EDIL3: variants seen among roughly 807,000 people sequenced by gnomAD.
The protein encoded by EDIL3 is EGF-like repeat and discoidin I-like domain-containing protein 3.
A neutral mutation model predicts 67.4 loss-of-function variants in EDIL3; 37 were observed. The ratio of observed to expected loss-of-function variants is 0.55; its 90% confidence interval spans 0.42 to 0.72. EDIL3 has a LOEUF of 0.72. Ranked by LOEUF, EDIL3 falls within the 30% of genes least tolerant of loss-of-function variation. EDIL3 has a pLI of 0.00. For missense variants in EDIL3, 527 were observed against 586.3 expected (o/e 0.90, Z 1.04); for synonymous variants, 195 against 196.3 (o/e 0.99, Z 0.05).
At chr5:84,378,364 A>T (rs1218597127) in intron 1 of EDIL3, among the ~76,000 whole-genome samples, 1 of 152,160 alleles carries the variant, frequency 6.6e-6, no homozygotes, top group East Asian at 1.9e-4. Context: ...ATGGTGATAC[A>T]CTTACCACTC....
chr5:84,180,571 G>A (rs369958351), intron 3 of EDIL3, 50 bp from the exon 4 acceptor site: 3 of 1,501,766 alleles, frequency 2.0e-6, no homozygotes, highest in Admixed American at 2.4e-5. Flanking sequence ...CTTAAAAGTA[G>A]ACATTAGGTC....
At chr5:84,303,517 T>G (rs1746200682) in intron 1 of EDIL3, among the ~76,000 whole-genome samples, 1 of 152,220 alleles carries the variant, frequency 6.6e-6, no homozygotes, top group South Asian at 2.1e-4. Flanking sequence ...ATTCATGGAT[T>G]AGTCATTTAC....
chr5:84,343,033 C>G (rs1461410266), intron 1 of EDIL3, among the ~76,000 whole-genome samples: 1 of 151,932 alleles, frequency 6.6e-6, no homozygotes, highest in Non-Finnish European at 1.5e-5. Context: ...TTTGATAGTA[C>G]TTTTTAGCAA....
At chr5:84,310,478 G>GA (rs1746363646) in intron 1 of EDIL3, among the ~76,000 whole-genome samples, 2 of 151,830 alleles carry the variant, frequency 1.3e-5, no homozygotes, top group African/African-American at 2.4e-5. Context: ...ATAATTCACA[G>GA]AAAAAAATAG....
intron 10 of EDIL3, among the ~76,000 whole-genome samples, chr5:83,958,455 G>T (rs1404612103): frequency 6.6e-6 from 1 of 151,438 alleles, no homozygotes; most frequent in Non-Finnish European, 1.5e-5. Context: ...ATTGGAAACA[G>T]GGGATTTTGT....
chr5:84,209,288 A>G (rs962425373), intron 3 of EDIL3, among the ~76,000 whole-genome samples: 6 of 152,124 alleles, frequency 3.9e-5, no homozygotes, highest in Admixed American at 1.3e-4. Context: ...TGACGAGTTA[A>G]TGGGTGCAGC....
intron 3 of EDIL3, among the ~76,000 whole-genome samples, chr5:84,222,944 T>C (rs1744371050): frequency 6.6e-6 from 1 of 151,844 alleles, no homozygotes; most frequent in Non-Finnish European, 1.5e-5. Flanking sequence ...TTTCATTTTC[T>C]TGATTGTTTC....
At chr5:84,347,354 A>G (rs951347650) in intron 1 of EDIL3, among the ~76,000 whole-genome samples, 10 of 152,226 alleles carry the variant, frequency 6.6e-5, no homozygotes, top group East Asian at 1.9e-4. Flanking sequence ...CTGAATATGT[A>G]TAAGTGGAAA....
At position 84,051,202 on chromosome 5, in the gene EDIL3, G is replaced by A. The variant is rs190140315; in HGVS notation, c.1137+9098C>T. 2.2e-3 allele frequency among the ~76,000 whole-genome samples: 336 copies of A among 152,314 alleles called. 2 individuals carry two copies. The highest frequency in any genetic ancestry group is 7.4e-3 in the African/African-American group (308 of 41,580). On this transcript the variant is annotated intron_variant, in intron 9 of 10. Coordinates refer to ENST00000296591, the MANE Select transcript of EDIL3 (RefSeq NM_005711.5). ...TCCGCTGCTGATACCCAGGCAAACA[G>A]GGTCTGGAGCAGACCTCCAGCAAAC...
chr5:84,051,123 G>A (rs1746328620), intron 9 of EDIL3, among the ~76,000 whole-genome samples: 1 of 152,162 alleles, frequency 6.6e-6, no homozygotes, highest in African/African-American at 2.4e-5. Flanking sequence ...AACCTCCAGA[G>A]GAACGATCAG....
At chr5:84,383,633 A>T (rs563481896) in intron 1 of EDIL3, among the ~76,000 whole-genome samples, 60 of 152,214 alleles carry the variant, frequency 3.9e-4, no homozygotes, top group Non-Finnish European at 1.8e-4. Context: ...GGGGGTGCGC[A>T]GCTAAGCTCC....
chr5:84,343,564 A>G (rs1747169235), intron 1 of EDIL3, among the ~76,000 whole-genome samples: 1 of 152,130 alleles, frequency 6.6e-6, no homozygotes. Context: ...GAAAACTGAG[A>G]ATTAATGAGT....
At chr5:84,306,402 T>C (rs531111073) in intron 1 of EDIL3, among the ~76,000 whole-genome samples, 33 of 152,354 alleles carry the variant, frequency 2.2e-4, no homozygotes, top group Middle Eastern at 3.4e-3. Context: ...CACACTTTAT[T>C]AATAATACCA....
intron 1 of EDIL3, 100 bp from the exon 2 acceptor site, chr5:84,254,312 A>C: frequency 1.5e-6 from 2 of 1,327,478 alleles, no homozygotes; most frequent in Non-Finnish European, 2.0e-6. Context: ...GGCAAAGTCA[A>C]AAGTCAGGGT....
intron 4 of EDIL3, among the ~76,000 whole-genome samples, chr5:84,142,828 C>CT (rs1193400320): frequency 2.1e-5 from 3 of 146,220 alleles, no homozygotes; most frequent in Non-Finnish European, 3.0e-5. Flanking sequence ...TGCCCCCCCC[C>CT]CCAAGCTTTT....
chr5:84,152,169 C>G (rs1748408208), intron 4 of EDIL3, among the ~76,000 whole-genome samples: 2 of 152,256 alleles, frequency 1.3e-5, no homozygotes, highest in East Asian at 3.9e-4. Context: ...CCACCCGCCT[C>G]AGCCTCTTAA....
At chr5:84,020,059 G>A (rs1427585522) in intron 9 of EDIL3, among the ~76,000 whole-genome samples, 2 of 104,020 alleles carry the variant, frequency 1.9e-5, no homozygotes, top group African/African-American at 3.5e-5. Context: ...GCATTAAGAC[G>A]TAGATTATCT....
In EDIL3 at chr5:84,205,035, C is replaced by T. The variant is rs540893615; in HGVS notation, c.227-24514G>A. ...ACAAGCAATCCTCCAGCTTCAGCCTCCCATGTAGCTGGGACTACAGGCACA... is the reference window on the plus strand; with the variant it reads ...ACAAGCAATCCTCCAGCTTCAGCCTTCCATGTAGCTGGGACTACAGGCACA... On this transcript the variant is annotated intron_variant, in intron 3 of 10. Coordinates refer to ENST00000296591, the MANE Select transcript of EDIL3 (RefSeq NM_005711.5). Among the ~76,000 whole-genome samples, 9 of 152,002 alleles carry T rather than the reference C, an allele frequency of 5.9e-5. No individual in the cohort carries two copies. In the East Asian group the frequency reaches 1.6e-3, roughly 26 times the overall value.
intron 9 of EDIL3, among the ~76,000 whole-genome samples, chr5:84,009,494 AC>A (rs1745481536): frequency 6.6e-6 from 1 of 152,194 alleles, no homozygotes; most frequent in African/African-American, 2.4e-5. Flanking sequence ...TATTAAAGTC[AC>A]CATCTATCTA....
Sources: gnomAD v4.1 joint callset for allele counts (sites outside exome capture counted in the v4.1 genomes callset) on GRCh38, gnomAD v4.1.1 for gene constraint, MANE v1.5 for transcripts, NCBI Gene and HGNC (gene_info 2026-07-23, HGNC 2026-07-21) for gene names.